Variants in PAH observed in about 807,000 individuals in gnomAD.
PAH encodes the protein phenylalanine hydroxylase.
A neutral mutation model predicts 62.0 loss-of-function variants in PAH; 64 were observed. The ratio of observed to expected loss-of-function variants is 1.03; its 90% CI spans 0.84 to 1.27. The LOEUF (loss-of-function observed/expected upper bound fraction) is 1.27, where lower values mean the gene tolerates loss of function less well. Ranked by LOEUF, PAH falls within the 50% of genes most tolerant of loss-of-function variation. The pLI is 0.00. For missense variants in PAH, 579 were observed against 542.8 expected, an observed-to-expected ratio of 1.07 and a Z score of -0.66; for synonymous variants, 195 against 196.2, an observed-to-expected ratio of 0.99 and a Z score of 0.05.
chr12:102,844,945 T>C (rs979709850), intron 9 of PAH, among the ~76,000 whole-genome samples: 22 of 152,200 alleles, frequency 1.4e-4, no homozygotes, highest in Non-Finnish European at 5.9e-5. Context: ...TCAGCCTTGA[T>C]AACTGTGTAA....
At chr12:102,955,241 T>G (rs766850773), upstream of PAH, among the ~76,000 whole-genome samples, 1 of 152,224 alleles carries the variant, frequency 6.6e-6, no homozygotes, top group Non-Finnish European at 1.5e-5. Flanking sequence ...TCCCTGGTAT[T>G]GAGATCTCTG....
chr12:102,904,504 T>C (rs184092386), intron 2 of PAH, among the ~76,000 whole-genome samples: 2 of 152,318 alleles, frequency 1.3e-5, no homozygotes, highest in East Asian at 3.9e-4. Flanking sequence ...TTTAATAAGT[T>C]CATGTGCACT....
chr12:102,878,687 TAAGG>T (rs917650403), intron 3 of PAH, among the ~76,000 whole-genome samples: 6 of 145,938 alleles, frequency 4.1e-5, no homozygotes, highest in South Asian at 2.2e-4. Flanking sequence ...GAAAACAAGA[TAAGG>T]AAGGAAGGAA....
At chr12:102,868,034 A>AT (rs1565854623) in intron 4 of PAH, among the ~76,000 whole-genome samples, 52 of 131,416 alleles carry the variant, frequency 4.0e-4, no homozygotes, top group African/African-American at 1.1e-3. Flanking sequence ...ATACATGTAT[A>AT]TACACCTATA....
At chr12:102,891,470 C>T (rs762945527) in intron 3 of PAH, among the ~76,000 whole-genome samples, 1 of 152,190 alleles carries the variant, frequency 6.6e-6, no homozygotes, top group Non-Finnish European at 1.5e-5. Flanking sequence ...TGTGTACAGG[C>T]TGCATTTTGG....
chr12:102,949,249 A>T (rs1879636795), intron 1 of PAH, among the ~76,000 whole-genome samples: 1 of 152,194 alleles, frequency 6.6e-6, no homozygotes, highest in Non-Finnish European at 1.5e-5. Flanking sequence ...ACCCAATGAC[A>T]TTGCCTTCTG....
At chr12:102,891,606 C>T (rs1877276936) in intron 3 of PAH, among the ~76,000 whole-genome samples, 1 of 152,218 alleles carries the variant, frequency 6.6e-6, no homozygotes, top group Non-Finnish European at 1.5e-5. Flanking sequence ...TGTGATTTCA[C>T]CAATCCTATA....
At chr12:102,917,309 A>G, upstream of PAH, 1 of 657,774 alleles carries the variant, frequency 1.5e-6, no homozygotes, top group Non-Finnish European at 2.7e-6. Context: ...CGTTGTCCTG[A>G]CGCAGGAGGC....
intron 11 of PAH, among the ~76,000 whole-genome samples, chr12:102,841,841 GC>G (rs1343432703): frequency 1.3e-5 from 2 of 152,156 alleles, no homozygotes; most frequent in Non-Finnish European, 2.9e-5. Flanking sequence ...TTCGGTGCCA[GC>G]CCTCCTCTGG....
intron 5 of PAH, among the ~76,000 whole-genome samples, chr12:102,865,212 TC>T (rs903517377): frequency 1.6e-4 from 24 of 152,110 alleles, no homozygotes; most frequent in Non-Finnish European, 3.5e-4. Context: ...TCTCCCCAAA[TC>T]CCAGCAACCC....
chr12:102,892,647 G>A (rs532961592), intron 3 of PAH, among the ~76,000 whole-genome samples: 2 of 152,296 alleles, frequency 1.3e-5, no homozygotes, highest in African/African-American at 4.8e-5. Context: ...AGACATGGAG[G>A]ATTTGTAAAT....
At chr12:102,905,260 T>C (rs2136716864) in intron 2 of PAH, among the ~76,000 whole-genome samples, 1 of 152,300 alleles carries the variant, frequency 6.6e-6, no homozygotes, top group African/African-American at 2.4e-5. Flanking sequence ...TATGAATTCT[T>C]CTACGGGCAA....
At chr12:102,867,977 A>ATACATC (rs1353889794) in intron 4 of PAH, among the ~76,000 whole-genome samples, 12 of 125,516 alleles carry the variant, frequency 9.6e-5, no homozygotes, top group African/African-American at 2.9e-4. Context: ...ATACATGTAT[A>ATACATC]TATAGATGTA....
intron 1 of PAH, among the ~76,000 whole-genome samples, chr12:102,926,411 G>GT (rs1452553002): frequency 6.6e-6 from 1 of 151,918 alleles, no homozygotes; most frequent in Non-Finnish European, 1.5e-5. Context: ...TAAGCCAGTT[G>GT]TTGGGGGGGC....
At chr12:102,869,401 C>T (rs1022980236) in intron 4 of PAH, among the ~76,000 whole-genome samples, 1 of 152,094 alleles carries the variant, frequency 6.6e-6, no homozygotes, top group African/African-American at 2.4e-5. Flanking sequence ...GTGTTACCTC[C>T]AGGTAGTGGG....
At chr12:102,851,841 G>T in intron 7 of PAH, 85 bp from the exon 8 acceptor site, 2 of 949,052 alleles carry the variant, frequency 2.1e-6, no homozygotes, top group African/African-American at 1.6e-5. Context: ...GGAATGGGCA[G>T]AAAGAATGGA....
intron 9 of PAH, among the ~76,000 whole-genome samples, chr12:102,846,103 G>C (rs113359832): frequency 1.3e-5 from 2 of 152,016 alleles, no homozygotes; most frequent in African/African-American, 2.4e-5. Context: ...CTTTGAGATG[G>C]GCAAGATATG....
chr12:102,914,777 C>G (rs1361319631), intron 1 of PAH, among the ~76,000 whole-genome samples: 4 of 152,158 alleles, frequency 2.6e-5, no homozygotes, highest in South Asian at 2.1e-4. Context: ...TAGGGCAATT[C>G]AGACTTGAAT....
At chr12:102,942,254 G>A (rs975466028) in intron 1 of PAH, among the ~76,000 whole-genome samples, 4 of 152,016 alleles carry the variant, frequency 2.6e-5, no homozygotes, top group African/African-American at 9.7e-5. Context: ...ATAAAAATTA[G>A]TAGCATTTCT....
Sources: allele counts gnomAD v4.1 joint callset (sites outside exome capture counted in the v4.1 genomes callset), GRCh38; gene constraint gnomAD v4.1.1; transcripts MANE v1.5; gene names NCBI Gene and HGNC (gene_info 2026-07-23, HGNC 2026-07-21).